The following DNAH7 variants were observed in gnomAD, a reference collection of about 807,000 sequenced individuals.
DNAH7 encodes the protein dynein axonemal heavy chain 7, also known as axonemal beta dynein heavy chain 7.
DNAH7 carries 397 observed loss-of-function variants against 444.6 expected under a neutral mutation model. The ratio of observed to expected loss-of-function variants is 0.89; its 90% CI spans 0.82 to 0.97. The LOEUF is 0.97. Ranked by LOEUF, DNAH7 falls within the 50% of genes least tolerant of loss-of-function variation. DNAH7 has a pLI of 0.00. For synonymous variants in DNAH7, 1,636 were observed against 1,624.4 expected (o/e 1.01, Z -0.17); for missense variants, 4,902 against 4,800.8 (o/e 1.02, Z -0.62).
intron 54 of DNAH7, among the ~76,000 whole-genome samples, chr2:195,801,176 A>T (rs75459776): frequency 6.6e-6 from 1 of 152,134 alleles, no homozygotes; most frequent in South Asian, 2.1e-4. Flanking sequence ...TCTCTTCTTT[A>T]TAAGTGACGA....
In DNAH7 at chr2:195,897,830, G is replaced by T. The variant is rs888030035; in HGVS notation, c.4549-65C>A. 2.6e-4 allele frequency: 231 copies of T among 875,340 alleles called. 1 individual carries two copies. Among genetic ancestry groups the T allele is most frequent in the Non-Finnish European group, 3.8e-5 (21 of 555,790 alleles). 54.2% of individuals were successfully genotyped at this position (875,340 alleles called of 1,614,324 possible). On this transcript the variant is annotated intron_variant, in intron 28 of 64. Transcript: ENST00000312428. ...TCCTAACAGCACCTACCCGCTTCGT[G>T]TTCGCATACACACAAACCTACAGAC...
At chr2:195,908,224 C>T (rs341957) in intron 25 of DNAH7, among the ~76,000 whole-genome samples, 45,084 of 151,510 alleles carry the variant, frequency 0.3, 9,440 homozygotes, top group African/African-American at 0.59. Flanking sequence ...TTTTTTCTTT[C>T]ATTTATATAT....
At chr2:195,793,815 G>C (rs911228757) in intron 57 of DNAH7, among the ~76,000 whole-genome samples, 1 of 152,080 alleles carries the variant, frequency 6.6e-6, no homozygotes, top group Non-Finnish European at 1.5e-5. Flanking sequence ...AACAATTTTA[G>C]GTCACAGACA....
chr2:195,815,420 TAATA>T (rs199712901), intron 51 of DNAH7, among the ~76,000 whole-genome samples: 2,550 of 152,182 alleles, frequency 0.017, 66 homozygotes, highest in African/African-American at 0.058. Flanking sequence ...ACTTGTAAAA[TAATA>T]AATCTTACTA....
intron 61 of DNAH7, among the ~76,000 whole-genome samples, chr2:195,761,306 G>GA (rs971969817): frequency 9.9e-5 from 15 of 151,680 alleles, no homozygotes; most frequent in African/African-American, 1.7e-4. Context: ...TGAGATAAAA[G>GA]AAAAAACAAG....
rs1348831811 is a variant in DNAH7, at chr2:195,955,588, TTTTG to T, written c.3078+1669_3078+1672del. Among the ~76,000 whole-genome samples, 5 of 109,138 alleles carry T rather than the reference TTTTG, an allele frequency of 4.6e-5. No individual in the cohort carries two copies. The South Asian group carries it at 9.9e-4, about 22-fold the overall frequency. The allele number at this position is 109,138 out of a possible 152,430, so 71.6% of individuals were successfully genotyped here. On this transcript the variant is annotated intron_variant, in intron 19 of 64. Coordinates refer to ENST00000312428, the MANE Select transcript of DNAH7 (RefSeq NM_018897.3). Reference sequence around the variant, plus strand: ...ATTTAGAAATTAGGGTAAGTAATGTTTTTGTTTGTTTCCAGTGGTTTCATAGGAT... The same window carrying T: ...ATTTAGAAATTAGGGTAAGTAATGTTTTTGTTTCCAGTGGTTTCATAGGAT...
Position 196,008,722 on chromosome 2 carries a change from G to A in DNAH7, c.989+4065C>T, listed in dbSNP as rs139634381. Reference sequence around the variant, plus strand: ...ACTGAGACGAAATGTCCAGAGTAGGGAAATTCATAGAGACAAAAAAAATAT... The same window carrying A: ...ACTGAGACGAAATGTCCAGAGTAGGAAAATTCATAGAGACAAAAAAAATAT... On this transcript the variant is annotated intron_variant, in intron 10 of 64. Coordinates refer to ENST00000312428, the MANE Select transcript of DNAH7 (RefSeq NM_018897.3). Among the ~76,000 whole-genome samples, 840 of 152,258 alleles carry A rather than the reference G, an allele frequency of 5.5e-3. 8 individuals are homozygous for A. The highest frequency in any genetic ancestry group is 0.019 in the African/African-American group (788 of 41,546).
chr2:195,815,730 T>C lies in DNAH7; in HGVS notation c.9761+898A>G, dbSNP rs113581369. Reference sequence around the variant, plus strand: ...ATTAAAAACATGTCTTGGCCGGGCATGGTGGCTCACGCCTGTAATCCCAGC... The same window carrying C: ...ATTAAAAACATGTCTTGGCCGGGCACGGTGGCTCACGCCTGTAATCCCAGC... On this transcript the variant is annotated intron_variant, in intron 51 of 64. Coordinates refer to ENST00000312428, the MANE Select transcript of DNAH7 (RefSeq NM_018897.3). Among the ~76,000 whole-genome samples the C allele has an allele frequency of 2.3e-3, 353 of 152,290 alleles. 1 individual carries two copies. Among genetic ancestry groups the C allele is most frequent in the African/African-American group, 7.9e-3 (328 of 41,576 alleles).
chr2:195,797,175 T>C (rs889986791), intron 55 of DNAH7, among the ~76,000 whole-genome samples: 1 of 152,234 alleles, frequency 6.6e-6, no homozygotes, highest in Non-Finnish European at 1.5e-5. Flanking sequence ...GGCTACTGTA[T>C]AAAAGAGAAT....
intron 5 of DNAH7, among the ~76,000 whole-genome samples, chr2:196,042,720 A>C (rs1696846137): frequency 6.6e-6 from 1 of 152,060 alleles, no homozygotes; most frequent in Non-Finnish European, 1.5e-5. Context: ...AGGTGGAGAA[A>C]CTAGAAACTT....
At chr2:196,011,441 A>C (rs1694722202) in intron 10 of DNAH7, among the ~76,000 whole-genome samples, 1 of 152,152 alleles carries the variant, frequency 6.6e-6, no homozygotes, top group African/African-American at 2.4e-5. Context: ...AGGGAATAAT[A>C]ATAAGTAAAG....
chr2:195,801,898 C>G (rs1289340992), intron 54 of DNAH7, among the ~76,000 whole-genome samples: 2 of 152,052 alleles, frequency 1.3e-5, no homozygotes, highest in African/African-American at 4.8e-5. Flanking sequence ...TTTAATCCCT[C>G]CCAATATTTC....
In DNAH7 at chr2:195,864,866, A is replaced by G; in HGVS notation, c.6789T>C (p.Asp2263=). The change falls in exon 41 of 65, where the codon GAT becomes GAC. Residue 2263 remains aspartate (D), a synonymous_variant. Transcript: ENST00000312428. ...CACAAAACATTAAGCTGCGTAAGTC[A>G]TCTGCTTCCACCATGCCATCATTAT... The part of the protein sequence containing the change: ...DFDNDGMVEA[D]DLRSLMFCDF... 6.2e-7 allele frequency: 1 copy of G among 1,614,106 alleles called. No homozygotes were observed. Among genetic ancestry groups the G allele is most frequent in the Non-Finnish European group, 8.5e-7 (1 of 1,180,018 alleles).
At chr2:195,938,001 ATTTTT>A in intron 19 of DNAH7, among the ~76,000 whole-genome samples, 2 of 152,130 alleles carry the variant, frequency 1.3e-5, no homozygotes, top group Non-Finnish European at 2.9e-5. Context: ...CTAATTAGAT[ATTTTT>A]GGTATTTAGC....
At chr2:195,959,450 T>C (rs937720692) in intron 18 of DNAH7, among the ~76,000 whole-genome samples, 1 of 151,264 alleles carries the variant, frequency 6.6e-6, no homozygotes, top group Non-Finnish European at 1.5e-5. Context: ...GTTTAAAAAT[T>C]CTTCTCTTAA....
At chr2:195,870,708 C>T (rs1260716682) in intron 40 of DNAH7, among the ~76,000 whole-genome samples, 1 of 152,160 alleles carries the variant, frequency 6.6e-6, no homozygotes, top group Non-Finnish European at 1.5e-5. Context: ...TTGCCCCTTC[C>T]ACCATTTGAG....
chr2:195,884,751 C>T lies in DNAH7; in HGVS notation c.5597G>A (p.Arg1866Gln), dbSNP rs775465249. The T allele has an allele frequency of 3.1e-6, 5 of 1,613,840 alleles. No homozygotes were observed. The highest frequency in any genetic ancestry group is 1.7e-4 in the Middle Eastern group (1 of 6,006). The change falls in exon 35 of 65, where the codon CGA (arginine) becomes CAA (glutamine). Residue 1866 changes from arginine to glutamine, a missense_variant. By Grantham distance (43) the Arg-to-Gln change is conservative (BLOSUM62 1). Coordinates refer to ENST00000312428, the MANE Select transcript of DNAH7 (RefSeq NM_018897.3). ...TCGAAGAATCTTATTAAATTTCAAT[C>T]GATCATCATCTGTACAAGAAGCACC... Reference protein sequence around the residue: ...SVGASCTDDDRLKFNKILREL... With the variant: ...SVGASCTDDDQLKFNKILREL...
At chr2:195,753,662 C>T (rs1260753733) in intron 63 of DNAH7, among the ~76,000 whole-genome samples, 2 of 152,160 alleles carry the variant, frequency 1.3e-5, no homozygotes, top group Non-Finnish European at 2.9e-5. Flanking sequence ...TGATAAAATT[C>T]TGGAATCTGT....
intron 58 of DNAH7, among the ~76,000 whole-genome samples, chr2:195,780,043 T>C (rs1248907439): frequency 6.6e-6 from 1 of 152,202 alleles, no homozygotes; most frequent in Non-Finnish European, 1.5e-5. Flanking sequence ...AATTTTTAGT[T>C]TATGAATGCA....
Sources: gnomAD v4.1 joint callset for allele counts (sites outside exome capture counted in the v4.1 genomes callset) on GRCh38, gnomAD v4.1.1 for gene constraint, MANE v1.5 for transcripts, NCBI Gene and HGNC (gene_info 2026-07-23, HGNC 2026-07-21) for gene names.